Variants in CC2D2B observed in about 807,000 individuals in gnomAD.
CC2D2B encodes coiled-coil and C2 domain containing 2B, also known as protein CC2D2B.
In CC2D2B, 128 loss-of-function variants were observed where a neutral mutation model predicts 161.2. The ratio of observed to expected loss-of-function variants is 0.79; its 90% CI spans 0.69 to 0.92. The LOEUF is 0.92. Among genes scored for constraint, CC2D2B ranks in the 40% least tolerant of loss-of-function variants. CC2D2B has a pLI of 0.00. For missense variants in CC2D2B, 1,173 were observed against 1,375.1 expected, an observed-to-expected ratio of 0.85 and a Z score of 2.32; for synonymous variants, 391 against 449.8, an observed-to-expected ratio of 0.87 and a Z score of 1.65.
At chr10:96,015,931 T>G (rs1293338874) in intron 29 of CC2D2B, among the ~76,000 whole-genome samples, 3 of 152,186 alleles carry the variant, frequency 2.0e-5, no homozygotes, top group African/African-American at 4.8e-5. Context: ...CATCCCATTT[T>G]GGGTATAAAT....
chr10:96,008,355 T>G (rs953448308), intron 25 of CC2D2B, among the ~76,000 whole-genome samples: 3 of 152,138 alleles, frequency 2.0e-5, no homozygotes, highest in African/African-American at 4.8e-5. Context: ...TTTCATTTTT[T>G]GACTATTATA....
chr10:96,016,232 A>G lies in CC2D2B; in HGVS notation c.3548A>G (p.Glu1183Gly). ...HCISLAIGNK[E>G]EHAILLCNFF... ...ATCAGTTTAGCTATCGGAAATAAGG[A>G]GGAGCATGCCATCCTTCTCTGTAAT... The change falls in exon 30 of 35, where the codon GAG (glutamate) becomes GGG (glycine). Residue 1183 changes from glutamate to glycine, a missense_variant. Around this residue, in one of 3 missense-constraint regions of CC2D2B, gnomAD observed 598 missense variants for 693.2 expected, o/e 0.86. Transcript: ENST00000646931. 1.2e-6 allele frequency: 2 copies of G among 1,612,346 alleles called. No individual in the cohort carries two copies. Among genetic ancestry groups the G allele is most frequent in the Non-Finnish European group, 1.7e-6 (2 of 1,179,358 alleles).
chr10:96,003,621 T>TGTGC (rs2078619738), intron 24 of CC2D2B, among the ~76,000 whole-genome samples: 1 of 150,802 alleles, frequency 6.6e-6, no homozygotes, highest in Admixed American at 6.6e-5. Context: ...TGTGTGTGTG[T>TGTGC]GTGTGTGTAT....
intron 17 of CC2D2B, among the ~76,000 whole-genome samples, chr10:95,980,394 A>C (rs531086451): frequency 6.6e-5 from 10 of 152,244 alleles, no homozygotes; most frequent in African/African-American, 1.9e-4. Context: ...GTTGAAATTC[A>C]ATTACAACTT....
chr10:96,019,668 G>T, intron 31 of CC2D2B, 34 bp from the exon 32 acceptor site: 1 of 1,540,796 alleles, frequency 6.5e-7, no homozygotes. Flanking sequence ...TGTTCCTATG[G>T]ACCTACACTA....
intron 9 of CC2D2B, among the ~76,000 whole-genome samples, chr10:95,942,960 T>C (rs1300944067): frequency 1.3e-5 from 2 of 152,186 alleles, no homozygotes; most frequent in African/African-American, 2.4e-5. Flanking sequence ...TAAAATATAT[T>C]GTGGCTGGAT....
At chr10:95,932,703 T>C (rs1334051805) in intron 6 of CC2D2B, among the ~76,000 whole-genome samples, 3 of 152,196 alleles carry the variant, frequency 2.0e-5, no homozygotes, top group African/African-American at 7.2e-5. Context: ...TGTTGAATAT[T>C]GGCCCCCACT....
At chr10:95,956,594 A>G (rs1164654700) in intron 11 of CC2D2B, among the ~76,000 whole-genome samples, 1 of 152,160 alleles carries the variant, frequency 6.6e-6, no homozygotes, top group Non-Finnish European at 1.5e-5. Flanking sequence ...AGCACTAGGA[A>G]TTAATCTGCC....
intron 2 of CC2D2B, among the ~76,000 whole-genome samples, chr10:95,915,007 A>G (rs1461349071): frequency 6.6e-6 from 1 of 152,166 alleles, no homozygotes; most frequent in East Asian, 1.9e-4. Context: ...CTTTGAATAG[A>G]ATGGACATTT....
At chr10:96,023,334 A>G (rs1156977051) in intron 32 of CC2D2B, among the ~76,000 whole-genome samples, 1 of 152,202 alleles carries the variant, frequency 6.6e-6, no homozygotes, top group Non-Finnish European at 1.5e-5. Context: ...AGTGAACACT[A>G]TTACACACAA....
At position 96,013,836 on chromosome 10, in the gene CC2D2B, C is replaced by T; in HGVS notation, c.3475C>T (p.Pro1159Ser). Reference sequence around the variant, plus strand: ...TTTGATTCCTTTTGTGCCTAATACACCAGATGAAAATGATGGCTCTGATAT... The same window carrying T: ...TTTGATTCCTTTTGTGCCTAATACATCAGATGAAAATGATGGCTCTGATAT... ...VSLIPFVPNTPDENDGSDIWM... is the reference protein window; with the variant it reads ...VSLIPFVPNTSDENDGSDIWM... Residue 1159 changes from proline to serine, a missense_variant, in exon 29 of 35, where the codon CCA becomes TCA. This residue lies in a region of CC2D2B where 598 missense variants were observed against 693.2 expected (regional missense o/e 0.86). Transcript: ENST00000646931. 6.2e-7 allele frequency: 1 copy of T among 1,600,274 alleles called. No individual in the cohort carries two copies.
chr10:95,959,877 A>G (rs1344236381), intron 11 of CC2D2B, among the ~76,000 whole-genome samples: 1 of 152,228 alleles, frequency 6.6e-6, no homozygotes, highest in Non-Finnish European at 1.5e-5. Flanking sequence ...TTATTAGCCT[A>G]TTAGGCAAAG....
At chr10:95,993,805 AATAT>A (rs1222635860) in intron 22 of CC2D2B, among the ~76,000 whole-genome samples, 2 of 137,500 alleles carry the variant, frequency 1.5e-5, no homozygotes, top group South Asian at 2.5e-4. Flanking sequence ...AGAGAGAGAG[AATAT>A]ATATAGAGTG....
At chr10:95,967,208 T>C (rs1424334049) in intron 14 of CC2D2B, among the ~76,000 whole-genome samples, 1 of 152,158 alleles carries the variant, frequency 6.6e-6, no homozygotes, top group Non-Finnish European at 1.5e-5. Context: ...AGAAATCCTT[T>C]ATTTGTTCTG....
At chr10:96,016,086 T>C in intron 29 of CC2D2B, 115 bp from the exon 30 acceptor site, 1 of 682,940 alleles carries the variant, frequency 1.5e-6, no homozygotes, top group Non-Finnish European at 2.5e-6. Context: ...TTGGTAAAAA[T>C]AAATGTGTTT....
At chr10:95,912,698 A>G (rs966488747) in intron 2 of CC2D2B, among the ~76,000 whole-genome samples, 1 of 152,180 alleles carries the variant, frequency 6.6e-6, no homozygotes, top group African/African-American at 2.4e-5. Flanking sequence ...TATATGTCTG[A>G]TCTCACTTGA....
chr10:95,933,145 G>A (rs1246193758), intron 6 of CC2D2B, among the ~76,000 whole-genome samples: 1 of 151,562 alleles, frequency 6.6e-6, no homozygotes, highest in East Asian at 1.9e-4. Flanking sequence ...TTCAATCTCT[G>A]GTATCTTTTC....
chr10:96,032,959 T>G lies in CC2D2B; in HGVS notation c.*951T>G, dbSNP rs1242642009. On this transcript the variant is annotated 3_prime_UTR_variant, in exon 35 of 35. Coordinates refer to ENST00000646931, the MANE Select transcript of CC2D2B (RefSeq NM_001349008.3). The stretch of plus-strand genomic sequence containing the variant: ...AAGAAAGACTGGACAGGGGTCTAAG[T>G]AGGAAGCACTATACTTTCTTCTAGT... 6.6e-6 allele frequency among the ~76,000 whole-genome samples: 1 copy of G among 152,188 alleles called. No individual in the cohort carries two copies. Among genetic ancestry groups the G allele is most frequent in the Non-Finnish European group, 1.5e-5 (1 of 68,022 alleles).
chr10:95,910,987 T>C (rs1354390567), intron 1 of CC2D2B, among the ~76,000 whole-genome samples: 1 of 152,180 alleles, frequency 6.6e-6, no homozygotes, highest in Admixed American at 6.5e-5. Flanking sequence ...TTTCTAATTA[T>C]GTCTAAACTT....
Sources: gnomAD v4.1 joint callset for allele counts (sites outside exome capture counted in the v4.1 genomes callset) on GRCh38, gnomAD v4.1.1 for gene constraint, gnomAD v4.1.1 regional missense constraint, MANE v1.5 for transcripts, NCBI Gene and HGNC (gene_info 2026-07-23, HGNC 2026-07-21) for gene names.